CHST11: variants seen among roughly 807,000 people sequenced by gnomAD.
The protein encoded by CHST11 is C4S-1.
A neutral mutation model predicts 30.4 loss-of-function variants in CHST11; 9 were observed. The ratio of observed to expected loss-of-function variants is 0.30; its 90% CI spans 0.18 to 0.52. The LOEUF is 0.52. Among genes scored for constraint, CHST11 ranks in the 20% least tolerant of loss-of-function variants. The pLI is 0.97. For missense variants in CHST11, 348 were observed against 460.6 expected, an observed-to-expected ratio of 0.76 and a Z score of 2.24; for synonymous variants, 152 against 187.8, an observed-to-expected ratio of 0.81 and a Z score of 1.56.
intron 2 of CHST11, among the ~76,000 whole-genome samples, chr12:104,628,480 G>A (rs562281999): frequency 3.3e-5 from 5 of 152,338 alleles, no homozygotes; most frequent in Admixed American, 6.5e-5. Flanking sequence ...TCCTCAGAAA[G>A]CAGAAATTTT....
rs1184870093 is a variant in CHST11 at position 104,758,544 on chromosome 12, T to G, written c.*741T>G. 1.3e-5 allele frequency: 2 copies of G among 152,318 alleles called. No individual in the cohort carries two copies. The highest frequency in any genetic ancestry group is 4.8e-5 in the African/African-American group (2 of 41,566). 9.4% of individuals were successfully genotyped at this position (152,318 alleles called of 1,614,324 possible). A position where few individuals can be genotyped will look rare whatever the true frequency, so the allele number is the denominator to read the frequency against. On this transcript the variant is annotated 3_prime_UTR_variant, in exon 3 of 3. Coordinates refer to ENST00000303694, the MANE Select transcript of CHST11 (RefSeq NM_018413.6). ...AAGGTGAAGTGGCTATTGCTTTATA[T>G]TCGACAAATATTTATTGAGCATCTA...
intron 1 of CHST11, among the ~76,000 whole-genome samples, chr12:104,591,117 A>G (rs572463975): frequency 6.6e-6 from 1 of 152,050 alleles, no homozygotes; most frequent in Non-Finnish European, 1.5e-5. Flanking sequence ...AAAGGCCCTG[A>G]GGCTCATGCT....
At chr12:104,534,326 C>T (rs1384557153) in intron 1 of CHST11, among the ~76,000 whole-genome samples, 2 of 152,138 alleles carry the variant, frequency 1.3e-5, no homozygotes, top group Non-Finnish European at 1.5e-5. Context: ...CAAATGAAGA[C>T]CTTGACCCTG....
At chr12:104,605,151 C>T (rs1289207898) in intron 2 of CHST11, among the ~76,000 whole-genome samples, 1 of 62,120 alleles carries the variant, frequency 1.6e-5, no homozygotes, top group Non-Finnish European at 3.1e-5. Flanking sequence ...CATCCCCTCT[C>T]CAAAAAAAAA....
At chr12:104,582,889 C>G (rs992187841) in intron 1 of CHST11, among the ~76,000 whole-genome samples, 1 of 151,852 alleles carries the variant, frequency 6.6e-6, no homozygotes, top group East Asian at 2.0e-4. Flanking sequence ...TCACAGGTGG[C>G]CGCAAGCTCT....
At chr12:104,716,721 T>C (rs181803458) in intron 2 of CHST11, among the ~76,000 whole-genome samples, 1 of 152,344 alleles carries the variant, frequency 6.6e-6, no homozygotes, top group East Asian at 1.9e-4. Flanking sequence ...GGTCTGTGAA[T>C]GCTGCTCATC....
intron 2 of CHST11, among the ~76,000 whole-genome samples, chr12:104,638,884 G>A (rs1466781676): frequency 6.6e-6 from 1 of 152,204 alleles, no homozygotes; most frequent in Non-Finnish European, 1.5e-5. Context: ...AAAGTGCAGT[G>A]GCTTTTGAGT....
At chr12:104,673,295 G>C (rs2136097095) in intron 2 of CHST11, among the ~76,000 whole-genome samples, 1 of 152,220 alleles carries the variant, frequency 6.6e-6, no homozygotes, top group East Asian at 1.9e-4. Context: ...CTATCTTTTG[G>C]GGAGGTACCA....
In CHST11 at chr12:104,662,472, G is replaced by A. The variant is rs563235062; in HGVS notation, c.204+60481G>A. Among the ~76,000 whole-genome samples, 30 of 152,124 alleles carry A rather than the reference G, an allele frequency of 2.0e-4. No individual in the cohort carries two copies. The South Asian group carries it at 6.2e-3, about 32-fold the overall frequency. On this transcript the variant is annotated intron_variant, in intron 2 of 2. Transcript: ENST00000303694. ...TGTGTATCTTTTTCATTTGACTTGG[G>A]TAAATATTAGCCAATTCCCAGTCAT...
chr12:104,468,220 C>T (rs911030900), intron 1 of CHST11, among the ~76,000 whole-genome samples: 3 of 151,838 alleles, frequency 2.0e-5, no homozygotes, highest in African/African-American at 4.8e-5. Flanking sequence ...CTGCAAAGGT[C>T]GCTTTAAAGA....
At chr12:104,606,503 C>A (rs1276209152) in intron 2 of CHST11, among the ~76,000 whole-genome samples, 2 of 152,094 alleles carry the variant, frequency 1.3e-5, no homozygotes, top group East Asian at 3.8e-4. Flanking sequence ...CTCCAGTAAC[C>A]CCGTTTTTTA....
chr12:104,611,728 C>T (rs1422065514), intron 2 of CHST11, among the ~76,000 whole-genome samples: 1 of 152,186 alleles, frequency 6.6e-6, no homozygotes, highest in Admixed American at 6.5e-5. Context: ...CCCAAGTCTC[C>T]GATTCATGCT....
chr12:104,749,314 T>A (rs1293745173), intron 2 of CHST11, among the ~76,000 whole-genome samples: 1 of 152,232 alleles, frequency 6.6e-6, no homozygotes, highest in East Asian at 1.9e-4. Context: ...CAAGAAGATT[T>A]AATCATATTT....
chr12:104,723,367 G>T (rs980385501), intron 2 of CHST11, among the ~76,000 whole-genome samples: 4 of 152,200 alleles, frequency 2.6e-5, no homozygotes, highest in African/African-American at 9.7e-5. Context: ...GGGCGGGGTG[G>T]GCGTCTGGGG....
intron 1 of CHST11, among the ~76,000 whole-genome samples, chr12:104,515,916 A>G (rs2135984695): frequency 6.6e-6 from 1 of 152,336 alleles, no homozygotes; most frequent in South Asian, 2.1e-4. Flanking sequence ...TGCATAGAGC[A>G]TTTTTGTGTG....
rs563270003 is a variant in CHST11, at chr12:104,574,203, C to T, written c.119-27703C>T. Among the ~76,000 whole-genome samples the T allele has an allele frequency of 9.3e-4, 141 of 152,140 alleles. 1 individual carries two copies. The highest frequency in any genetic ancestry group is 2.9e-3 in the African/African-American group (122 of 41,472). ...TTAGAATGGCAATCATTAAAAAGTC[C>T]GGAAACAACAGGTGCTGGAGAGGAT... is the stretch of plus-strand genomic sequence containing the variant. On this transcript the variant is annotated intron_variant, in intron 1 of 2. Transcript: ENST00000303694.
In CHST11 at chr12:104,641,035, G is replaced by A. The variant is rs146664420; in HGVS notation, c.204+39044G>A. Among the ~76,000 whole-genome samples the A allele has an allele frequency of 1.4e-3, 216 of 152,316 alleles. 1 individual carries two copies. The highest frequency in any genetic ancestry group is 5.0e-3 in the African/African-American group (207 of 41,552). On this transcript the variant is annotated intron_variant, in intron 2 of 2. Transcript: ENST00000303694. Reference sequence around the variant, plus strand: ...AGACTACAGTTGGATGTCAGAAGCAGCTTGACTTCAGAGGGACAGCTTGAT... The same window carrying A: ...AGACTACAGTTGGATGTCAGAAGCAACTTGACTTCAGAGGGACAGCTTGAT...
intron 2 of CHST11, among the ~76,000 whole-genome samples, chr12:104,642,330 A>G (rs1391855187): frequency 1.3e-5 from 2 of 152,236 alleles, no homozygotes; most frequent in Non-Finnish European, 2.9e-5. Flanking sequence ...AGCGACATGC[A>G]TAGAAGAATT....
chr12:104,473,987 T>G (rs1385657657), intron 1 of CHST11, among the ~76,000 whole-genome samples: 1 of 151,874 alleles, frequency 6.6e-6, no homozygotes, highest in Non-Finnish European at 1.5e-5. Context: ...AAGGCTTAAT[T>G]GAAAAAGAAA....
Sources: gnomAD v4.1 joint callset for allele counts (sites outside exome capture counted in the v4.1 genomes callset) on GRCh38, gnomAD v4.1.1 for gene constraint, MANE v1.5 for transcripts, NCBI Gene and HGNC (gene_info 2026-07-23, HGNC 2026-07-21) for gene names.